Variants in PSMD5 observed in about 807,000 individuals in gnomAD.
PSMD5 encodes the protein proteasome 26S subunit, non-ATPase 5.
A neutral mutation model predicts 52.1 loss-of-function variants in PSMD5; 40 were observed. The ratio of observed to expected loss-of-function variants is 0.77; its 90% CI spans 0.60 to 1.00. The LOEUF is 1.00. PSMD5 is among the 50% of genes least tolerant of loss of function. The probability of loss-of-function intolerance (pLI) is 0.00; values close to 1 mark genes in which losing one functional copy is unlikely to be tolerated. For missense variants in PSMD5, 575 were observed against 605.2 expected (o/e 0.95, Z 0.52); for synonymous variants, 211 against 226.6 (o/e 0.93, Z 0.62).
chr9:120,842,406 CAAG>C (rs2045246228), intron 1 of PSMD5: 1 of 322,132 alleles, frequency 3.1e-6, no homozygotes, highest in African/African-American at 2.2e-5. Context: ...GGAAACAAAT[CAAG>C]AACCTGTACA....
chr9:120,829,366 C>T (rs1225076143), intron 4 of PSMD5, among the ~76,000 whole-genome samples, 158 bp from the exon 5 acceptor site: 12 of 152,016 alleles, frequency 7.9e-5, no homozygotes, highest in Non-Finnish European at 2.9e-5. Flanking sequence ...CTTCAGTGAA[C>T]GCATAAGAAA....
At chr9:120,819,903 A>G (rs1472734640) in intron 9 of PSMD5, among the ~76,000 whole-genome samples, 1 of 152,046 alleles carries the variant, frequency 6.6e-6, no homozygotes, top group East Asian at 1.9e-4. Context: ...CCTGTATCGC[A>G]TCCTCAGGAA....
rs773900614 is a variant in PSMD5, at chr9:120,831,937, T to A, written c.327A>T (p.Arg109Ser). 6.2e-7 allele frequency: 1 copy of A among 1,612,044 alleles called. No homozygotes were observed. Among genetic ancestry groups the A allele is most frequent in the Non-Finnish European group, 8.5e-7 (1 of 1,179,534 alleles). Residue 109 changes from arginine (R) to serine (S), a missense_variant, in exon 3 of 10, where the codon AGA (arginine) becomes AGT (serine). Coordinates refer to ENST00000210313, the MANE Select transcript of PSMD5 (RefSeq NM_005047.4). Reference sequence around the variant, plus strand: ...TAACAGCATCAGAATTTTCAACAATTCTTCCAATCTGAAAGAAAAACAATC... The same window carrying A: ...TAACAGCATCAGAATTTTCAACAATACTTCCAATCTGAAAGAAAAACAATC... ...VKILTLSQIG[R>S]IVENSDAVTE...
At chr9:120,823,770 C>T (rs2045102659) in intron 7 of PSMD5, among the ~76,000 whole-genome samples, 1 of 151,990 alleles carries the variant, frequency 6.6e-6, no homozygotes, top group African/African-American at 2.4e-5. Flanking sequence ...ACCTTAGCCT[C>T]CCAAAGTGCT....
At chr9:120,832,927 A>G (rs544610628) in intron 2 of PSMD5, among the ~76,000 whole-genome samples, 1 of 152,326 alleles carries the variant, frequency 6.6e-6, no homozygotes, top group Non-Finnish European at 1.5e-5. Context: ...AATGGCAGAG[A>G]GCTATTTGAA....
chr9:120,841,778 T>C (rs538351795), intron 1 of PSMD5: 7 of 152,342 alleles, frequency 4.6e-5, no homozygotes, highest in African/African-American at 1.7e-4. Context: ...GTTATATTCT[T>C]GCATATAATG....
intron 1 of PSMD5, among the ~76,000 whole-genome samples, chr9:120,839,045 T>C (rs144032226): frequency 2.0e-5 from 3 of 152,300 alleles, no homozygotes; most frequent in African/African-American, 7.2e-5. Flanking sequence ...ACTGGAATAA[T>C]TGAGAAAAAT....
chr9:120,824,526 T>C lies in PSMD5; in HGVS notation c.974A>G (p.Asn325Ser), dbSNP rs756365476. The C allele has an allele frequency of 3.1e-6, 5 of 1,614,164 alleles. No individual in the cohort carries two copies. The highest frequency in any genetic ancestry group is 2.2e-5 in the East Asian group (1 of 44,878). The change falls in exon 7 of 10, where the codon AAT becomes AGT. Residue 325 changes from asparagine (N) to serine (S), a missense_variant. Asn to Ser is a conservative substitution (Grantham distance 46). Coordinates refer to ENST00000210313, the MANE Select transcript of PSMD5 (RefSeq NM_005047.4). ...AVDTVGILGS[N>S]VEGKQVLQKT... is the part of the protein sequence containing the mutation. Reference sequence around the variant, plus strand: ...CTGTAAAACCTGTTTTCCTTCAACATTGGATCCCAAGATTCCAACTGTGTC... The same window carrying C: ...CTGTAAAACCTGTTTTCCTTCAACACTGGATCCCAAGATTCCAACTGTGTC...
intron 2 of PSMD5, 151 bp from the exon 3 acceptor site, chr9:120,832,096 C>T (rs2045165428): frequency 7.5e-7 from 1 of 1,335,098 alleles, no homozygotes. Context: ...GACCTAAATT[C>T]ATTCAGTCAA....
intron 7 of PSMD5, 50 bp downstream of exon 7, chr9:120,824,444 A>T: frequency 6.4e-7 from 1 of 1,566,854 alleles, no homozygotes; most frequent in Non-Finnish European, 8.8e-7. Flanking sequence ...TACATATTGA[A>T]CCCCTGTCAA....
chr9:120,836,449 T>C (rs1588072170), intron 1 of PSMD5, among the ~76,000 whole-genome samples: 1 of 150,384 alleles, frequency 6.6e-6, no homozygotes. Flanking sequence ...CAGGCTGGAG[T>C]GCGATGGCGT....
At chr9:120,820,692 C>T (rs2045077403) in intron 9 of PSMD5, 147 bp downstream of exon 9, 1 of 711,756 alleles carries the variant, frequency 1.4e-6, no homozygotes. Context: ...CATCTGTCTC[C>T]TTACTTAGTC....
At chr9:120,838,645 A>C (rs1183377415) in intron 1 of PSMD5, among the ~76,000 whole-genome samples, 2 of 152,206 alleles carry the variant, frequency 1.3e-5, no homozygotes, top group Non-Finnish European at 2.9e-5. Context: ...ATTCCATTAA[A>C]ATTGTTCCCT....
intron 9 of PSMD5, among the ~76,000 whole-genome samples, chr9:120,819,741 C>A (rs1273293964): frequency 6.6e-6 from 1 of 152,114 alleles, no homozygotes; most frequent in Non-Finnish European, 1.5e-5. Flanking sequence ...GAGGCTGAGG[C>A]AGGAGAATGG....
chr9:120,840,126 CAAA>C (rs748840129), intron 1 of PSMD5, among the ~76,000 whole-genome samples: 2 of 39,136 alleles, frequency 5.1e-5, no homozygotes, highest in Non-Finnish European at 5.1e-5. Flanking sequence ...GAACCCGTCT[CAAA>C]AAAAAAAAAA....
At chr9:120,834,404 A>G (rs530688532) in intron 1 of PSMD5, among the ~76,000 whole-genome samples, 77 of 151,970 alleles carry the variant, frequency 5.1e-4, no homozygotes, top group Admixed American at 2.0e-3. Context: ...AAAAAAGAAC[A>G]GAGGGTACAG....
intron 6 of PSMD5, among the ~76,000 whole-genome samples, chr9:120,826,333 G>A (rs565849538): frequency 5.3e-5 from 8 of 152,188 alleles, no homozygotes; most frequent in Middle Eastern, 3.4e-3. Context: ...ACTTTTCACC[G>A]CTGAGTATGT....
chr9:120,832,005 G>A (rs1404126138), intron 2 of PSMD5, 60 bp from the exon 3 acceptor site: 22 of 1,567,442 alleles, frequency 1.4e-5, no homozygotes, highest in Middle Eastern at 1.8e-4. Context: ...GTAAACACAC[G>A]ATGGTCCAAT....
In PSMD5 at chr9:120,829,127, C is replaced by T; in HGVS notation, c.643G>A (p.Glu215Lys). The change falls in exon 5 of 10, where the codon GAG becomes AAG. Residue 215 changes from glutamate to lysine, a missense_variant. Coordinates refer to ENST00000210313, the MANE Select transcript of PSMD5 (RefSeq NM_005047.4). ...TSGLVTQLLR[E>K]LTGEDVLVRA... Reference sequence around the variant, plus strand: ...ACCAACACATCCTCACCAGTCAGCTCTCTCAGGAGCTGGGTTACCAATCCA... The same window carrying T: ...ACCAACACATCCTCACCAGTCAGCTTTCTCAGGAGCTGGGTTACCAATCCA... 1 of 1,604,504 alleles carries T rather than the reference C, an allele frequency of 6.2e-7. No individual in the cohort carries two copies. The highest frequency in any genetic ancestry group is 1.3e-5 in the African/African-American group (1 of 74,428).
Sources: gnomAD v4.1 joint callset for allele counts (sites outside exome capture counted in the v4.1 genomes callset) on GRCh38, gnomAD v4.1.1 for gene constraint, MANE v1.5 for transcripts, NCBI Gene and HGNC (gene_info 2026-07-23, HGNC 2026-07-21) for gene names.